The following TMC5 variants were observed in gnomAD, a reference collection of about 807,000 sequenced individuals.
TMC5 encodes the protein transmembrane channel-like protein 5.
TMC5 carries 86 observed loss-of-function variants against 110.5 expected under a neutral mutation model. That is an observed-to-expected ratio of 0.78 (90% CI 0.65 to 0.93). The LOEUF (loss-of-function observed/expected upper bound fraction) is 0.93. Ranked by LOEUF, TMC5 falls within the 40% of genes least tolerant of loss-of-function variation. The pLI is 0.00. For synonymous variants in TMC5, 455 were observed against 439.5 expected (o/e 1.04, Z -0.44); for missense variants, 1,144 against 1,222.8 (o/e 0.94, Z 0.96).
chr16:19,459,324 A>AG (rs1385536198), intron 5 of TMC5, among the ~76,000 whole-genome samples: 5 of 152,186 alleles, frequency 3.3e-5, no homozygotes, highest in African/African-American at 1.2e-4. Flanking sequence ...TTTGGGGTAG[A>AG]CAATAGCATC....
At chr16:19,443,093 C>G (rs1967527220) in intron 3 of TMC5, among the ~76,000 whole-genome samples, 2 of 152,178 alleles carry the variant, frequency 1.3e-5, no homozygotes, top group Admixed American at 6.5e-5. Flanking sequence ...CTGTCTGCCC[C>G]CTGCCTTGAC....
At chr16:19,487,079 C>A in intron 16 of TMC5, 59 bp downstream of exon 16, 4 of 1,608,696 alleles carry the variant, frequency 2.5e-6, no homozygotes, top group Non-Finnish European at 3.4e-6. Context: ...GACCTGGTGG[C>A]GCTTAAAGCT....
chr16:19,456,521 T>C (rs1175787965), intron 5 of TMC5: 13 of 1,377,280 alleles, frequency 9.4e-6, no homozygotes, highest in Non-Finnish European at 1.2e-5. Context: ...GGGAGTTATG[T>C]TGTGATTTGT....
intron 15 of TMC5, among the ~76,000 whole-genome samples, chr16:19,485,755 C>T (rs888902533): frequency 6.6e-6 from 1 of 152,196 alleles, no homozygotes; most frequent in African/African-American, 2.4e-5. Context: ...AGGCTCTCAG[C>T]CCGAAGCCTA....
intron 4 of TMC5, among the ~76,000 whole-genome samples, chr16:19,448,465 A>G (rs1217097735): frequency 6.6e-6 from 1 of 151,596 alleles, no homozygotes; most frequent in African/African-American, 2.4e-5. Flanking sequence ...AAAAAATACA[A>G]AATATTAGCC....
intron 5 of TMC5, chr16:19,456,445 C>G (rs770706135): frequency 2.4e-4 from 275 of 1,155,328 alleles, no homozygotes; most frequent in Non-Finnish European, 2.8e-4. Context: ...TGCCTAGCTA[C>G]CAAGACAGAA....
chr16:19,481,447 A>G lies in TMC5; in HGVS notation c.2345A>G (p.Tyr782Cys), dbSNP rs754104020. Residue 782 changes from tyrosine (Y) to cysteine (C), a missense_variant, in exon 15 of 22, where the codon TAT (tyrosine) becomes TGT (cysteine). Transcript: ENST00000542583. Reference sequence around the variant, plus strand: ...GCCAGGAACGTTCTAGAACTGATCTATGCACAAACTCTGGTGTGGTAAGTT... The same window carrying G: ...GCCAGGAACGTTCTAGAACTGATCTGTGCACAAACTCTGGTGTGGTAAGTT... Reference protein sequence around the residue: ...DIARNVLELIYAQTLVWIGIF... With the variant: ...DIARNVLELICAQTLVWIGIF... The G allele has an allele frequency of 3.1e-6, 5 of 1,613,766 alleles. No individual in the cohort carries two copies. In the Admixed American group the frequency reaches 5.0e-5, roughly 16 times the overall value.
rs1967172109 is a variant in TMC5, at chr16:19,430,459, C to T, written c.-261C>T. 6.6e-6 allele frequency: 1 copy of T among 152,338 alleles called. No homozygotes were observed. The highest frequency in any genetic ancestry group is 6.5e-5 in the Admixed American group (1 of 15,276). The allele number at this position is 152,338 out of a possible 1,614,324, so 9.4% of individuals were successfully genotyped here. A position where few individuals can be genotyped will look rare whatever the true frequency, so the allele number is the denominator to read the frequency against. On this transcript the variant is annotated 5_prime_UTR_variant, in exon 2 of 22. Coordinates refer to ENST00000542583, the MANE Select transcript of TMC5 (RefSeq NM_001261841.2). The stretch of plus-strand genomic sequence containing the variant: ...TCAGCAACTTGGAATATTCAGACTT[C>T]AGACCAGCATCACAGATTATAACCC...
At chr16:19,428,428 A>G (rs1967131162) in intron 1 of TMC5, among the ~76,000 whole-genome samples, 1 of 151,078 alleles carries the variant, frequency 6.6e-6, no homozygotes, top group Admixed American at 6.6e-5. Flanking sequence ...GCTGGCTTAG[A>G]CTCTGAAAGT....
Position 19,480,662 on chromosome 16 carries a change from G to A in TMC5, c.2268-708G>A, listed in dbSNP as rs1043999607. 8.6e-5 allele frequency among the ~76,000 whole-genome samples: 13 copies of A among 151,962 alleles called. No homozygotes were observed. In the South Asian group the frequency reaches 1.7e-3, roughly 19 times the overall value. On this transcript the variant is annotated intron_variant, in intron 14 of 21. Coordinates refer to ENST00000542583, the MANE Select transcript of TMC5 (RefSeq NM_001261841.2). The stretch of plus-strand genomic sequence containing the variant: ...TCTACTAAAAATACAAAAATTAGCC[G>A]AGCATGGTGGTGTGTGCCTATAATC...
chr16:19,463,476 T>C, intron 7 of TMC5, 109 bp downstream of exon 7: 1 of 986,894 alleles, frequency 1.0e-6, no homozygotes, highest in Non-Finnish European at 1.6e-6. Flanking sequence ...GCAATTTCAT[T>C]GCCCAGAGCC....
At chr16:19,444,874 G>A (rs984631201) in intron 4 of TMC5, among the ~76,000 whole-genome samples, 4 of 152,254 alleles carry the variant, frequency 2.6e-5, no homozygotes, top group Admixed American at 1.3e-4. Flanking sequence ...GCTCACGCCT[G>A]TAATCCCAGC....
At chr16:19,486,899 C>A in intron 15 of TMC5, 46 bp from the exon 16 acceptor site, 1 of 1,559,862 alleles carries the variant, frequency 6.4e-7, no homozygotes, top group Non-Finnish European at 8.8e-7. Flanking sequence ...ACCCCGACTC[C>A]TTGTGTCTCC....
chr16:19,440,677 A>G lies in TMC5; in HGVS notation c.639A>G (p.Gln213=), dbSNP rs1967465762. Residue 213 remains glutamine, a synonymous_variant, in exon 3 of 22, where the codon CAA becomes CAG. Transcript: ENST00000542583. ...CTGATTATCCAGGCGCTGACATTCA[A>G]CCTAACTCTCCACCCTTTTTTGGGG... is the stretch of plus-strand genomic sequence containing the variant. ...GKPDYPGADI[Q]PNSPPFFGEP... is the part of the protein sequence containing the mutation. 1.9e-6 allele frequency: 3 copies of G among 1,614,166 alleles called. No homozygotes were observed. Among genetic ancestry groups the G allele is most frequent in the Admixed American group, 1.7e-5 (1 of 60,016 alleles).
At chr16:19,411,121 A>C (rs1226684194) in exon 1 of TMC5, 2 of 152,292 alleles carry the variant, frequency 1.3e-5, no homozygotes, top group Admixed American at 1.3e-4. Context: ...CAGGTGCAGG[A>C]AGAAAAGAAT....
chr16:19,419,414 T>TTTTTTG (rs1052337360), intron 1 of TMC5, among the ~76,000 whole-genome samples: 19 of 131,204 alleles, frequency 1.4e-4, no homozygotes, highest in African/African-American at 5.4e-4. Flanking sequence ...TTTTTTTTTT[T>TTTTTTG]TTTTTTTTTT....
intron 12 of TMC5, among the ~76,000 whole-genome samples, chr16:19,475,802 CTT>C (rs1032784346): frequency 4.1e-3 from 526 of 127,296 alleles, no homozygotes; most frequent in African/African-American, 0.015. Flanking sequence ...AATTTTCTTT[CTT>C]TTTTTTTTTT....
At chr16:19,460,209 T>A in intron 5 of TMC5, 26 bp from the exon 6 acceptor site, 1 of 1,562,208 alleles carries the variant, frequency 6.4e-7, no homozygotes. Flanking sequence ...AAAAAAGAAA[T>A]TAAATTCCAT....
intron 2 of TMC5, among the ~76,000 whole-genome samples, chr16:19,431,544 GAA>G (rs112601330): frequency 7.2e-5 from 9 of 124,324 alleles, no homozygotes; most frequent in Admixed American, 8.4e-5. Flanking sequence ...TTCCATCTCA[GAA>G]AAAAAAAAAA....
Sources: gnomAD v4.1 joint callset for allele counts (sites outside exome capture counted in the v4.1 genomes callset) on GRCh38, gnomAD v4.1.1 for gene constraint, MANE v1.5 for transcripts, NCBI Gene and HGNC (gene_info 2026-07-23, HGNC 2026-07-21) for gene names.